TRMT11: variants seen among roughly 807,000 people sequenced by gnomAD.
TRMT11 encodes tRNA methyltransferase 11, also known as tRNA (guanine(10)-N(2))-methyltransferase TRMT11.
Under a neutral mutation model 62.8 loss-of-function variants are expected in TRMT11, and 53 were observed. The ratio of observed to expected loss-of-function variants is 0.84; its 90% CI spans 0.68 to 1.06. The LOEUF (loss-of-function observed/expected upper bound fraction) is 1.06, where lower values mean the gene tolerates loss of function less well. TRMT11 is among the 50% of genes least tolerant of loss of function. The pLI is 0.00. For synonymous variants in TRMT11, 188 were observed against 190.3 expected (o/e 0.99, Z 0.10); for missense variants, 556 against 553.4 (o/e 1.00, Z -0.05).
At chr6:126,211,849 G>A in the TRMT11 span, among the ~76,000 whole-genome samples, 4,196 of 151,822 alleles carry the variant, frequency 0.028, 179 homozygotes, top group African/African-American at 0.095. Flanking sequence ...TTTCCCTGTT[G>A]TGCTGTCAAA....
chr6:126,005,412 C>G (rs62426449), intron 7 of TRMT11, among the ~76,000 whole-genome samples: 9 of 151,954 alleles, frequency 5.9e-5, no homozygotes, highest in Non-Finnish European at 1.3e-4. Context: ...GGTTTCACGT[C>G]TATCATTTGT....
intron 17 of TRMT11, among the ~76,000 whole-genome samples, chr6:126,108,566 A>G (rs1185513309): frequency 2.0e-5 from 3 of 152,222 alleles, no homozygotes; most frequent in Non-Finnish European, 4.4e-5. Context: ...ACCCTGGGAT[A>G]CAGTGCTACT....
chr6:126,008,894 A>G (rs1190489243), intron 8 of TRMT11: 1 of 341,034 alleles, frequency 2.9e-6, no homozygotes, highest in Non-Finnish European at 5.8e-6. Context: ...TAATCTTCAA[A>G]TACAAAATTG....
downstream of TRMT11, among the ~76,000 whole-genome samples, chr6:126,040,115 G>A (rs767409969): frequency 3.3e-5 from 5 of 152,008 alleles, no homozygotes; most frequent in Admixed American, 6.6e-5. Flanking sequence ...GAGGTTATAT[G>A]GGAGGTGAGT....
chr6:125,996,667 G>A (rs1791574397), intron 3 of TRMT11, among the ~76,000 whole-genome samples: 2 of 151,712 alleles, frequency 1.3e-5, no homozygotes, highest in Non-Finnish European at 2.9e-5. Flanking sequence ...TTTTTAACTA[G>A]CATCTTAAAT....
At chr6:126,008,353 A>C (rs1793671293) in intron 7 of TRMT11, 39 bp from the exon 8 acceptor site, 1 of 1,556,854 alleles carries the variant, frequency 6.4e-7, no homozygotes, top group Non-Finnish European at 8.9e-7. Context: ...GGAGTTTGGG[A>C]CTTACTGGTT....
chr6:126,132,808 G>T (rs1361892953), intron 21 of TRMT11, among the ~76,000 whole-genome samples: 1 of 152,008 alleles, frequency 6.6e-6, no homozygotes, highest in African/African-American at 2.4e-5. Flanking sequence ...ATGTTTTAGA[G>T]TTGGTTGTAC....
chr6:126,262,139 T>C, the TRMT11 span, among the ~76,000 whole-genome samples: 1 of 152,200 alleles, frequency 6.6e-6, no homozygotes, highest in South Asian at 2.1e-4. Context: ...AGGATGGCTC[T>C]TCCACCATAC....
exon 20 of TRMT11, among the ~76,000 whole-genome samples, chr6:126,115,410 G>T (rs1172397567): frequency 6.6e-6 from 1 of 152,114 alleles, no homozygotes; most frequent in African/African-American, 2.4e-5. Flanking sequence ...TAGTTTTTAG[G>T]CTTCTCAGAT....
chr6:126,055,886 G>A (rs972785009), intron 17 of TRMT11, among the ~76,000 whole-genome samples: 14 of 152,026 alleles, frequency 9.2e-5, no homozygotes, highest in South Asian at 2.1e-4. Context: ...GTTCAAAAGC[G>A]TATACCCAAT....
intron 17 of TRMT11, among the ~76,000 whole-genome samples, chr6:126,103,155 T>G (rs1292156563): frequency 6.6e-6 from 1 of 152,224 alleles, no homozygotes; most frequent in Non-Finnish European, 1.5e-5. Flanking sequence ...CACAGCATAC[T>G]TGGAGAATTT....
chr6:126,003,333 C>CA (rs1792826236), intron 7 of TRMT11, among the ~76,000 whole-genome samples: 3 of 152,060 alleles, frequency 2.0e-5, no homozygotes, highest in Admixed American at 1.3e-4. Context: ...CAGCCCAAGA[C>CA]AATTCTTCTT....
intron 21 of TRMT11, among the ~76,000 whole-genome samples, chr6:126,139,980 C>T (rs975915271): frequency 6.6e-6 from 1 of 151,920 alleles, no homozygotes; most frequent in Non-Finnish European, 1.5e-5. Context: ...TAGTATTTTG[C>T]ATTATTCCTT....
chr6:126,188,109 T>C (rs1021720685), intron 1 of TRMT11, among the ~76,000 whole-genome samples: 9 of 151,836 alleles, frequency 5.9e-5, no homozygotes, highest in African/African-American at 2.2e-4. Context: ...ACACAATTCA[T>C]AAAATAAACT....
rs372783194 is a variant in TRMT11, at chr6:126,005,392, A to G, written c.680-3000A>G. On this transcript the variant is annotated intron_variant, in intron 7 of 12. Transcript: ENST00000334379. The stretch of plus-strand genomic sequence containing the variant: ...GTATGTGACTTTGGGCAAGATTCTT[A>G]ACTTGTCTGGGTTTCACGTCTATCA... Among the ~76,000 whole-genome samples, 6 of 152,176 alleles carry G rather than the reference A, an allele frequency of 3.9e-5. No individual in the cohort carries two copies. The South Asian group carries it at 6.2e-4, about 16-fold the overall frequency.
intron 12 of TRMT11, among the ~76,000 whole-genome samples, chr6:126,033,128 A>T (rs941458): frequency 0.58 from 87,766 of 151,972 alleles, 26,950 homozygotes; most frequent in East Asian, 0.92. Flanking sequence ...AATAGCAAAT[A>T]CTGGGAGAAG....
the TRMT11 span, among the ~76,000 whole-genome samples, chr6:126,263,447 G>A: frequency 6.6e-6 from 1 of 152,018 alleles, no homozygotes; most frequent in Non-Finnish European, 1.5e-5. Flanking sequence ...TTATTAAAAT[G>A]TTACAACACA....
chr6:126,065,804 CTTCAGACGAGAT>C (rs1240573943), intron 17 of TRMT11, among the ~76,000 whole-genome samples: 1 of 152,158 alleles, frequency 6.6e-6, no homozygotes, highest in East Asian at 1.9e-4. Context: ...TGATGTTGTC[CTTCAGACGAGAT>C]TGGGAGCGTT....
At chr6:126,244,796 A>G in the TRMT11 span, among the ~76,000 whole-genome samples, 1 of 152,290 alleles carries the variant, frequency 6.6e-6, no homozygotes, top group African/African-American at 2.4e-5. Flanking sequence ...AATTTATTTG[A>G]TATCCTTGAC....
Sources: gnomAD v4.1 joint callset for allele counts (sites outside exome capture counted in the v4.1 genomes callset) on GRCh38, gnomAD v4.1.1 for gene constraint, MANE v1.5 for transcripts, NCBI Gene and HGNC (gene_info 2026-07-23, HGNC 2026-07-21) for gene names.